Variants in IPPK observed in about 807,000 individuals in gnomAD.
The protein encoded by IPPK is inositol-pentakisphosphate 2-kinase, also known as IPK1 homolog.
IPPK carries 22 observed loss-of-function variants against 64.6 expected under a neutral mutation model. The ratio of observed to expected loss-of-function variants is 0.34; its 90% CI spans 0.24 to 0.49. The LOEUF (loss-of-function observed/expected upper bound fraction) is 0.49. Ranked by LOEUF, IPPK falls within the 20% of genes least tolerant of loss-of-function variation. The probability of loss-of-function intolerance (pLI) is 0.99; values close to 1 mark genes in which losing one functional copy is unlikely to be tolerated. For synonymous variants in IPPK, 262 were observed against 247.2 expected (o/e 1.06, Z -0.56); for missense variants, 532 against 630.7 (o/e 0.84, Z 1.68).
chr9:92,635,430 C>T lies in IPPK; in HGVS notation c.917-122G>A. The stretch of plus-strand genomic sequence containing the variant: ...TCCGCCATACGGGCATCACCACAGG[C>T]AAGGACTGCACCCTGGACTGGCACT... On this transcript the variant is annotated intron_variant, in intron 9 of 12. Coordinates refer to ENST00000287996, the MANE Select transcript of IPPK (RefSeq NM_022755.6). This position sits in a 1 kb window ranked among gnomAD's most constrained non-coding sequence, Gnocchi z 4.4. 1.0e-6 allele frequency: 1 copy of T among 1,004,626 alleles called. No homozygotes were observed. The highest frequency in any genetic ancestry group is 1.6e-5 in the South Asian group (1 of 61,306). 62.2% of individuals were successfully genotyped at this position (1,004,626 alleles called of 1,614,324 possible).
rs147930862 is a variant in IPPK, at chr9:92,648,110, C to T, written c.453G>A (p.Thr151=). 1.2e-4 allele frequency: 189 copies of T among 1,613,540 alleles called. No homozygotes were observed. The East Asian group carries it at 3.2e-3, about 27-fold the overall frequency. Residue 151 remains threonine, a synonymous_variant, in exon 6 of 13, where the codon ACG becomes ACA. Coordinates refer to ENST00000287996, the MANE Select transcript of IPPK (RefSeq NM_022755.6). The stretch of plus-strand genomic sequence containing the variant: ...GACAGACCTTATGCTTCATCTCATG[C>T]GTGACATCACTCGAGAAAGGAATAA... The part of the protein sequence containing the change: ...CGFIPFSSDV[T]HEMKHKVCRY...
At chr9:92,654,521 AAAAC>A (rs1405487976) in intron 3 of IPPK, among the ~76,000 whole-genome samples, 6 of 152,292 alleles carry the variant, frequency 3.9e-5, no homozygotes, top group African/African-American at 9.6e-5. Flanking sequence ...ATAAAAAACA[AAAAC>A]AAACAAATAC....
rs1852377607 is a variant in IPPK, at chr9:92,656,558, G to A, written c.130-7C>T. On this transcript the variant is annotated splice_region_variant and splice_polypyrimidine_tract_variant and intron_variant, in intron 2 of 12. Coordinates refer to ENST00000287996, the MANE Select transcript of IPPK (RefSeq NM_022755.6). Reference sequence around the variant, plus strand: ...GAAATATCTCTTCCGAGGTCTGTAAGAGACAACCACAGGACAGCCTTCGTG... The same window carrying A: ...GAAATATCTCTTCCGAGGTCTGTAAAAGACAACCACAGGACAGCCTTCGTG... The A allele has an allele frequency of 6.3e-7, 1 of 1,592,652 alleles. No individual in the cohort carries two copies. Among genetic ancestry groups the A allele is most frequent in the African/African-American group, 1.3e-5 (1 of 74,484 alleles).
chr9:92,632,735 G>A (rs376114056), intron 11 of IPPK, among the ~76,000 whole-genome samples: 2 of 152,280 alleles, frequency 1.3e-5, no homozygotes, highest in Admixed American at 1.3e-4. Context: ...GGCCCTTTGC[G>A]TCAGAGCCTC....
chr9:92,649,675 A>AT, intron 4 of IPPK, 101 bp from the exon 5 acceptor site: 1 of 1,387,308 alleles, frequency 7.2e-7, no homozygotes, highest in Non-Finnish European at 9.9e-7. Flanking sequence ...TCCAGGGGGC[A>AT]TCTCTGTACC....
chr9:92,626,232 CT>C (rs1252027064), intron 11 of IPPK, among the ~76,000 whole-genome samples: 2 of 152,022 alleles, frequency 1.3e-5, no homozygotes, highest in African/African-American at 4.8e-5. Flanking sequence ...CCCATCTCTA[CT>C]AAAAATACAA....
At chr9:92,630,897 A>G (rs542783777) in intron 11 of IPPK, among the ~76,000 whole-genome samples, 16 of 152,144 alleles carry the variant, frequency 1.1e-4, no homozygotes, top group Admixed American at 1.0e-3. Flanking sequence ...AAAAAAACTA[A>G]TAAGTAAAAG....
At position 92,656,550 on chromosome 9, in the gene IPPK, G is replaced by A; in HGVS notation, c.131C>T (p.Thr44Ile). The A allele has an allele frequency of 6.2e-7, 1 of 1,601,926 alleles. No homozygotes were observed. The highest frequency in any genetic ancestry group is 8.6e-7 in the Non-Finnish European group (1 of 1,168,978). ...FLKFPPNRKKTSEEIFQHLQN... is the reference protein window; with the variant it reads ...FLKFPPNRKKISEEIFQHLQN... The stretch of plus-strand genomic sequence containing the variant: ...CAGGTGTTGAAATATCTCTTCCGAG[G>A]TCTGTAAGAGACAACCACAGGACAG... The change falls in exon 3 of 13, where the codon ACC becomes ATC. Residue 44 changes from threonine (T) to isoleucine (I), a missense_variant and splice_region_variant. Transcript: ENST00000287996.
At chr9:92,631,932 C>G (rs1458326060) in intron 11 of IPPK, among the ~76,000 whole-genome samples, 1 of 152,232 alleles carries the variant, frequency 6.6e-6, no homozygotes, top group African/African-American at 2.4e-5. Context: ...CTGGCAACCA[C>G]AAATCTTTGC....
intron 1 of IPPK, among the ~76,000 whole-genome samples, chr9:92,667,966 G>C (rs982276457): frequency 4.0e-5 from 6 of 151,134 alleles, no homozygotes; most frequent in Non-Finnish European, 8.9e-5. Context: ...ATTTGAAAAG[G>C]TGAAAGAAAA....
intron 5 of IPPK, 21 bp from the exon 6 acceptor site, chr9:92,648,169 G>A (rs1446060556): frequency 4.5e-6 from 7 of 1,564,880 alleles, no homozygotes; most frequent in Middle Eastern, 1.7e-4. Flanking sequence ...AACAAATAAG[G>A]AGGAAAAATA....
chr9:92,618,433 G>A (rs1377058075), intron 12 of IPPK: 1 of 456,692 alleles, frequency 2.2e-6, no homozygotes, highest in South Asian at 1.5e-5. Context: ...GCTAGACGAG[G>A]TGAGTAACAT....
chr9:92,626,003 AAGAC>A (rs1217006009), intron 11 of IPPK, among the ~76,000 whole-genome samples: 1 of 152,236 alleles, frequency 6.6e-6, no homozygotes, highest in African/African-American at 2.4e-5. Flanking sequence ...AAAGAAATAA[AAGAC>A]AGAATTTTGA....
intron 4 of IPPK, among the ~76,000 whole-genome samples, chr9:92,652,045 C>T (rs1018366204): frequency 9.2e-5 from 14 of 152,204 alleles, no homozygotes; most frequent in African/African-American, 3.1e-4. Flanking sequence ...CCTGCCTTTA[C>T]TGGTTCTTCA....
rs762023536 is a variant in IPPK at position 92,670,037 on chromosome 9, G to A, written c.-49C>T. The A allele has an allele frequency of 8.0e-6, 11 of 1,378,260 alleles. No homozygotes were observed. In the Admixed American group the frequency reaches 1.7e-4, roughly 22 times the overall value. 85.4% of individuals were successfully genotyped at this position (1,378,260 alleles called of 1,614,324 possible). ...CGCGGGCTAGGACTCGGGGACGCGAGCTGGGGGCCGCCCGCCTCGCTGGGA... is the reference window on the plus strand; with the variant it reads ...CGCGGGCTAGGACTCGGGGACGCGAACTGGGGGCCGCCCGCCTCGCTGGGA... On this transcript the variant is annotated 5_prime_UTR_variant, in exon 1 of 13. Transcript: ENST00000287996.
At chr9:92,618,425 T>C (rs1204729148) in intron 12 of IPPK, 2 of 456,548 alleles carry the variant, frequency 4.4e-6, no homozygotes, top group Non-Finnish European at 8.8e-6. Flanking sequence ...TCCCAGGTGC[T>C]AGACGAGGTG....
At chr9:92,662,000 T>C (rs1159168297) in intron 1 of IPPK, among the ~76,000 whole-genome samples, 1 of 152,038 alleles carries the variant, frequency 6.6e-6, no homozygotes, top group Non-Finnish European at 1.5e-5. Flanking sequence ...AAAGACACAA[T>C]GAGTCCAAGG....
At chr9:92,663,159 C>T (rs1381846834) in intron 1 of IPPK, among the ~76,000 whole-genome samples, 1 of 152,232 alleles carries the variant, frequency 6.6e-6, no homozygotes, top group African/African-American at 2.4e-5. Context: ...AAAATACAGT[C>T]ATGCATCACA....
intron 12 of IPPK, 66 bp from the exon 13 acceptor site, chr9:92,616,123 C>G: frequency 9.3e-7 from 1 of 1,078,086 alleles, no homozygotes; most frequent in Admixed American, 2.3e-5. Context: ...CTCCCGTTCT[C>G]TCTCCCTTTC....
Sources: allele counts gnomAD v4.1 joint callset (sites outside exome capture counted in the v4.1 genomes callset), GRCh38; gene constraint gnomAD v4.1.1; non-coding constraint Gnocchi (gnomAD v3.1); transcripts MANE v1.5; gene names NCBI Gene and HGNC (gene_info 2026-07-23, HGNC 2026-07-21).